ABCA8: variants seen among roughly 807,000 people sequenced by gnomAD.
ABCA8 encodes the protein ABC-type organic anion transporter ABCA8.
A neutral mutation model predicts 192.3 loss-of-function variants in ABCA8; 177 were observed. The ratio of observed to expected loss-of-function variants is 0.92; its 90% confidence interval spans 0.81 to 1.04. ABCA8 has a LOEUF of 1.04. Among genes scored for constraint, ABCA8 ranks in the 50% least tolerant of loss-of-function variants. ABCA8 has a pLI of 0.00. For missense variants in ABCA8, 1,915 were observed against 1,904.8 expected (o/e 1.01, Z -0.10); for synonymous variants, 642 against 690.2 (o/e 0.93, Z 1.09).
Position 68,932,524 on chromosome 17 carries a change from G to A in ABCA8, c.571-10C>T, listed in dbSNP as rs1381290329. ...AGTGATTTGTTGTGATCTGAAGAAA[G>A]GCATTAATAAGCAAAATTTGTACGT... On this transcript the variant is annotated splice_polypyrimidine_tract_variant and intron_variant, in intron 6 of 39. Transcript: ENST00000586539. The A allele has an allele frequency of 6.3e-7, 1 of 1,593,902 alleles. No homozygotes were observed. Among genetic ancestry groups the A allele is most frequent in the Admixed American group, 1.7e-5 (1 of 59,218 alleles).
chr17:68,938,426 CAAAG>C (rs1382624016), intron 4 of ABCA8, among the ~76,000 whole-genome samples: 1 of 151,792 alleles, frequency 6.6e-6, no homozygotes, highest in African/African-American at 2.4e-5. Context: ...CGGAAGTTGA[CAAAG>C]AAAGGAAAAA....
chr17:68,922,564 T>C (rs1448838289), intron 11 of ABCA8, among the ~76,000 whole-genome samples: 3 of 151,938 alleles, frequency 2.0e-5, no homozygotes, highest in African/African-American at 7.3e-5. Context: ...GTTCCATAGA[T>C]TGGGGTATAA....
chr17:68,878,540 A>T (rs2066263144), intron 32 of ABCA8: 1 of 152,248 alleles, frequency 6.6e-6, no homozygotes, highest in Non-Finnish European at 1.5e-5. Context: ...CATGGATTAA[A>T]AAAACTCACG....
At chr17:68,928,165 C>T (rs1247311349) in intron 9 of ABCA8, 102 bp from the exon 10 acceptor site, 3 of 964,782 alleles carry the variant, frequency 3.1e-6, no homozygotes, top group Non-Finnish European at 4.5e-6. Flanking sequence ...TTGCCTCATA[C>T]TGAGAATAGA....
intron 32 of ABCA8, chr17:68,878,650 T>C (rs1598187374): frequency 6.6e-6 from 1 of 152,264 alleles, no homozygotes; most frequent in Non-Finnish European, 1.5e-5. Flanking sequence ...AATGTATTAA[T>C]GAGCAGTTAT....
At chr17:68,889,195 G>A (rs953275595) in intron 24 of ABCA8, among the ~76,000 whole-genome samples, 1 of 152,134 alleles carries the variant, frequency 6.6e-6, no homozygotes, top group African/African-American at 2.4e-5. Context: ...GAGAAAAAAC[G>A]AAACAGATGA....
intron 17 of ABCA8, among the ~76,000 whole-genome samples, chr17:68,910,303 A>G (rs983010165): frequency 2.6e-5 from 4 of 152,182 alleles, no homozygotes; most frequent in Non-Finnish European, 5.9e-5. Flanking sequence ...CAGAGAGAGA[A>G]TGTTGTATGC....
intron 10 of ABCA8, among the ~76,000 whole-genome samples, chr17:68,926,152 A>G (rs1429561000): frequency 1.3e-5 from 2 of 151,182 alleles, no homozygotes; most frequent in African/African-American, 2.5e-5. Flanking sequence ...TGTTTGAAAC[A>G]AGGACTAAAA....
chr17:68,893,741 CT>C (rs1291112334), intron 23 of ABCA8, among the ~76,000 whole-genome samples: 1 of 99,008 alleles, frequency 1.0e-5, no homozygotes, highest in East Asian at 3.1e-4. Context: ...TTTTCCTTTT[CT>C]TTTTTTATTA....
At chr17:68,936,834 A>G in intron 5 of ABCA8, 117 bp downstream of exon 5, 1 of 880,956 alleles carries the variant, frequency 1.1e-6, no homozygotes, top group Non-Finnish European at 1.6e-6. Flanking sequence ...AGGGACATGC[A>G]TACATCATTA....
At chr17:68,946,202 G>A (rs967064989) in intron 2 of ABCA8, among the ~76,000 whole-genome samples, 7 of 151,776 alleles carry the variant, frequency 4.6e-5, no homozygotes, top group Non-Finnish European at 7.4e-5. Flanking sequence ...CAAGTAGCAG[G>A]GACTACAGGC....
chr17:68,941,028 G>A (rs1243535786), intron 3 of ABCA8, 66 bp from the exon 4 acceptor site: 1 of 1,316,584 alleles, frequency 7.6e-7, no homozygotes, highest in South Asian at 1.4e-5. Flanking sequence ...CAATCATTTT[G>A]TCATAAAGTT....
At chr17:68,932,821 A>G (rs1372370297) in intron 6 of ABCA8, among the ~76,000 whole-genome samples, 6 of 152,196 alleles carry the variant, frequency 3.9e-5, no homozygotes, top group Non-Finnish European at 7.4e-5. Context: ...TCAAGCTTCA[A>G]GCTGGAATGT....
chr17:68,910,630 C>G (rs966576446), intron 17 of ABCA8, among the ~76,000 whole-genome samples: 1 of 152,118 alleles, frequency 6.6e-6, no homozygotes, highest in African/African-American at 2.4e-5. Context: ...GCCTGTTTCA[C>G]CCCCTCCCCC....
At position 68,867,923 on chromosome 17, in the gene ABCA8, C is replaced by A. The variant is rs1416440272; in HGVS notation, c.*162G>T. 2 of 605,644 alleles carry A rather than the reference C, an allele frequency of 3.3e-6. No homozygotes were observed. The highest frequency in any genetic ancestry group is 5.8e-6 in the Non-Finnish European group (2 of 347,504). The allele number at this position is 605,644 out of a possible 1,614,324, so 37.5% of individuals were successfully genotyped here. A position where few individuals can be genotyped will look rare whatever the true frequency, so the allele number is the denominator to read the frequency against. On this transcript the variant is annotated 3_prime_UTR_variant, in exon 40 of 40. Coordinates refer to ENST00000586539, the MANE Select transcript of ABCA8 (RefSeq NM_001288985.2). Reference sequence around the variant, plus strand: ...GCTTAGTCAAATGCCTCTGTCCACACTGACATGGCACTTACCCAGCACCCG... The same window carrying A: ...GCTTAGTCAAATGCCTCTGTCCACAATGACATGGCACTTACCCAGCACCCG...
chr17:68,930,627 C>A (rs1376745801), intron 7 of ABCA8, among the ~76,000 whole-genome samples: 1 of 152,122 alleles, frequency 6.6e-6, no homozygotes, highest in African/African-American at 2.4e-5. Flanking sequence ...CCCAATAGCC[C>A]TATTCAGAAT....
chr17:68,927,794 C>T (rs1239944742), intron 10 of ABCA8, 122 bp downstream of exon 10: 1 of 746,886 alleles, frequency 1.3e-6, no homozygotes, highest in African/African-American at 1.9e-5. Context: ...GACTTTGTTC[C>T]TCTCTTTGCT....
chr17:68,876,470 G>A lies in ABCA8; in HGVS notation c.4360C>T (p.Gln1454Ter). 1 of 1,613,948 alleles carries A rather than the reference G, an allele frequency of 6.2e-7. No individual in the cohort carries two copies. Among genetic ancestry groups the A allele is most frequent in the Non-Finnish European group, 8.5e-7 (1 of 1,179,894 alleles). Residue 1454 changes from glutamine to a stop codon, truncating the protein, a stop_gained, in exon 35 of 40, where the codon CAG becomes TAG. Transcript: ENST00000586539. LOFTEE classifies it high-confidence loss of function. ...PSTGMDPEGQ[Q>*]QMWQAIRATF... ...GGTAATGTTCCTCACCACATTTGCT[G>A]CTGCCCCTCGGGGTCCATCCCGGTC...
chr17:68,934,894 C>T (rs1174791342), intron 5 of ABCA8, among the ~76,000 whole-genome samples: 1 of 152,066 alleles, frequency 6.6e-6, no homozygotes, highest in Non-Finnish European at 1.5e-5. Flanking sequence ...CACGCAGTTT[C>T]CTGGTTGCTA....
Sources: allele counts gnomAD v4.1 joint callset (sites outside exome capture counted in the v4.1 genomes callset), GRCh38; gene constraint gnomAD v4.1.1; transcripts MANE v1.5; gene names NCBI Gene and HGNC (gene_info 2026-07-23, HGNC 2026-07-21).